The following ATRNL1 variants were observed in gnomAD, a reference collection of about 807,000 sequenced individuals.
ATRNL1 encodes attractin-like protein 1.
A neutral mutation model predicts 182.7 loss-of-function variants in ATRNL1; 95 were observed. The observed-to-expected ratio is 0.52, with a 90% CI of 0.44 to 0.62. ATRNL1 has a LOEUF of 0.62. Among genes scored for constraint, ATRNL1 ranks in the 20% least tolerant of loss-of-function variants. The pLI is 0.00. For synonymous variants in ATRNL1, 576 were observed against 568.3 expected, an observed-to-expected ratio of 1.01 and a Z score of -0.19; for missense variants, 1,471 against 1,679.5, an observed-to-expected ratio of 0.88 and a Z score of 2.17.
Position 115,582,113 on chromosome 10 carries a change from G to A in ATRNL1, c.3795+32577G>A, listed in dbSNP as rs1375812057. On this transcript the variant is annotated intron_variant, in intron 26 of 28. Coordinates refer to ENST00000355044, the MANE Select transcript of ATRNL1 (RefSeq NM_207303.4). ...GGCTGCATAGTATTCCATGGTGTAT[G>A]TGTGCCACATTTTCTTAATCCAGTC... Among the ~76,000 whole-genome samples the A allele has an allele frequency of 4.6e-5, 7 of 152,066 alleles. No homozygotes were observed. In the South Asian group the frequency reaches 1.0e-3, roughly 23 times the overall value.
chr10:115,737,001 C>T (rs1555065992), intron 27 of ATRNL1, among the ~76,000 whole-genome samples: 2 of 151,996 alleles, frequency 1.3e-5, no homozygotes, highest in South Asian at 2.1e-4. Flanking sequence ...ACCCTCAGGG[C>T]CACTCTGCTG....
intron 19 of ATRNL1, among the ~76,000 whole-genome samples, chr10:115,336,843 A>AT (rs1159634964): frequency 6.1e-4 from 91 of 149,192 alleles, no homozygotes; most frequent in South Asian, 2.6e-3. Context: ...CAACTGTCTG[A>AT]TTTTTTTTTC....
At chr10:115,913,349 A>G (rs952632225) in intron 28 of ATRNL1, among the ~76,000 whole-genome samples, 2 of 151,846 alleles carry the variant, frequency 1.3e-5, no homozygotes, top group Admixed American at 6.6e-5. Context: ...AATCACCCAG[A>G]CCCCTGCAGG....
At chr10:115,154,240 G>C (rs1456669511) in intron 5 of ATRNL1, among the ~76,000 whole-genome samples, 1 of 151,226 alleles carries the variant, frequency 6.6e-6, no homozygotes, top group Non-Finnish European at 1.5e-5. Flanking sequence ...TTGGTGCAGA[G>C]CTGAGTTCAA....
At chr10:115,851,189 G>A (rs2901062) in intron 28 of ATRNL1, among the ~76,000 whole-genome samples, 70,985 of 151,674 alleles carry the variant, frequency 0.47, 18,329 homozygotes, top group East Asian at 0.75. Flanking sequence ...TGTACTCTCC[G>A]TTGGCATGAA....
intron 19 of ATRNL1, among the ~76,000 whole-genome samples, chr10:115,339,152 A>G (rs1554937552): frequency 6.6e-6 from 1 of 151,962 alleles, no homozygotes; most frequent in Non-Finnish European, 1.5e-5. Flanking sequence ...AAGTCAGGTA[A>G]TGTCATTCCT....
At chr10:115,234,905 A>G (rs782478432) in intron 9 of ATRNL1, among the ~76,000 whole-genome samples, 12 of 152,022 alleles carry the variant, frequency 7.9e-5, no homozygotes, top group Non-Finnish European at 1.5e-4. Context: ...GTTTTCATGA[A>G]TGTTCACATA....
intron 16 of ATRNL1, 138 bp downstream of exon 16, chr10:115,300,385 A>G (rs1853412842): frequency 3.2e-6 from 2 of 620,858 alleles, no homozygotes; most frequent in Non-Finnish European, 5.4e-6. Flanking sequence ...CCCACTTACT[A>G]TTAGTGATCT....
At chr10:115,802,657 A>G (rs1949825062) in intron 27 of ATRNL1, among the ~76,000 whole-genome samples, 1 of 152,236 alleles carries the variant, frequency 6.6e-6, no homozygotes, top group Non-Finnish European at 1.5e-5. Context: ...TAATAACAGT[A>G]TAAAATGAAA....
chr10:115,845,368 G>T (rs1181308037), intron 27 of ATRNL1, among the ~76,000 whole-genome samples: 1 of 151,938 alleles, frequency 6.6e-6, no homozygotes, highest in African/African-American at 2.4e-5. Context: ...TTTTATGCAG[G>T]CATAATTTCC....
chr10:115,722,958 A>C (rs1947477080), intron 26 of ATRNL1, among the ~76,000 whole-genome samples: 1 of 152,238 alleles, frequency 6.6e-6, no homozygotes, highest in African/African-American at 2.4e-5. Flanking sequence ...AATTAGAGTC[A>C]GTTTTATCAT....
intron 27 of ATRNL1, among the ~76,000 whole-genome samples, chr10:115,836,427 G>C (rs74422530): frequency 1.3e-5 from 2 of 152,220 alleles, no homozygotes; most frequent in East Asian, 1.9e-4. Context: ...CCACAAACTT[G>C]GTGGCTTAAA....
chr10:115,202,953 A>C (rs952651348), intron 8 of ATRNL1, among the ~76,000 whole-genome samples: 4 of 151,262 alleles, frequency 2.6e-5, no homozygotes, highest in African/African-American at 9.7e-5. Context: ...TTCCTGGTTT[A>C]GTCTTGGGAG....
At chr10:115,529,339 A>C (rs1475281920) in intron 25 of ATRNL1, among the ~76,000 whole-genome samples, 1 of 151,638 alleles carries the variant, frequency 6.6e-6, no homozygotes, top group African/African-American at 2.4e-5. Flanking sequence ...ATATCTTTTA[A>C]AATTTTTTCT....
chr10:115,358,945 C>T (rs10444034), intron 19 of ATRNL1, among the ~76,000 whole-genome samples: 38,615 of 151,420 alleles, frequency 0.26, 5,292 homozygotes, highest in South Asian at 0.32. Flanking sequence ...TCCAAGACTT[C>T]CACAATATTA....
At position 115,649,753 on chromosome 10, in the gene ATRNL1, C is replaced by G. The variant is rs564256072; in HGVS notation, c.3796-77495C>G. ...AGGGCATGATCTGTTTTCCAAGTGT[C>G]ATAATAACTTCAGGAATAAACTGTT... On this transcript the variant is annotated intron_variant, in intron 26 of 28. Coordinates refer to ENST00000355044, the MANE Select transcript of ATRNL1 (RefSeq NM_207303.4). Among the ~76,000 whole-genome samples, 2 of 152,238 alleles carry G rather than the reference C, an allele frequency of 1.3e-5. 1 individual carries two copies. The highest frequency in any genetic ancestry group is 1.3e-4 in the Admixed American group (2 of 15,280).
intron 28 of ATRNL1, among the ~76,000 whole-genome samples, chr10:115,861,385 C>T (rs1951313055): frequency 6.6e-6 from 1 of 152,144 alleles, no homozygotes; most frequent in African/African-American, 2.4e-5. Context: ...TTAATTATTT[C>T]CCCCACTTTT....
intron 5 of ATRNL1, among the ~76,000 whole-genome samples, chr10:115,148,282 A>G (rs561376146): frequency 1.2e-3 from 186 of 152,202 alleles, no homozygotes; most frequent in Middle Eastern, 0.01. Flanking sequence ...AGATTTTTGT[A>G]TATTGGTTTT....
chr10:115,813,417 A>T (rs1345839845), intron 27 of ATRNL1, among the ~76,000 whole-genome samples: 1 of 152,174 alleles, frequency 6.6e-6, no homozygotes, highest in East Asian at 1.9e-4. Flanking sequence ...CAAGCTGAAA[A>T]AGCATGTCCA....
Sources: gnomAD v4.1 joint callset for allele counts (sites outside exome capture counted in the v4.1 genomes callset) on GRCh38, gnomAD v4.1.1 for gene constraint, MANE v1.5 for transcripts, NCBI Gene and HGNC (gene_info 2026-07-23, HGNC 2026-07-21) for gene names.